Variants in TIPIN observed in about 807,000 individuals in gnomAD.
The protein encoded by TIPIN is TIMELESS interacting protein, also known as TIMELESS-interacting protein.
In TIPIN, 29 loss-of-function variants were observed where a neutral mutation model predicts 35.6. The observed-to-expected ratio is 0.82, with a 90% CI of 0.61 to 1.11. The LOEUF is 1.11. Ranked by LOEUF, TIPIN falls within the 50% of genes most tolerant of loss-of-function variation. TIPIN has a pLI of 0.00. For synonymous variants in TIPIN, 102 were observed against 121.5 expected, an observed-to-expected ratio of 0.84 and a Z score of 1.06; for missense variants, 296 against 345.4, an observed-to-expected ratio of 0.86 and a Z score of 1.13.
chr15:66,380,338 T>G (rs1009081340), intron 1 of TIPIN, among the ~76,000 whole-genome samples: 2 of 151,788 alleles, frequency 1.3e-5, no homozygotes, highest in African/African-American at 2.4e-5. Context: ...AATGGCCAGG[T>G]AGTTGTCCCT....
rs1011156499 is a variant in TIPIN, at chr15:66,336,535, C to A, written c.*423G>T. On this transcript the variant is annotated 3_prime_UTR_variant, in exon 8 of 8. Transcript: ENST00000261881. ...TGCCACTGCACTCCAGCCTGGCCAA[C>A]AGAGTGAGACTCTGTGTCAAAAAAA... The A allele has an allele frequency of 5.8e-6, 1 of 173,142 alleles. No homozygotes were observed. The highest frequency in any genetic ancestry group is 5.6e-5 in the Admixed American group (1 of 17,952). 10.7% of individuals were successfully genotyped at this position (173,142 alleles called of 1,614,324 possible). A position where few individuals can be genotyped will look rare whatever the true frequency, so the allele number is the denominator to read the frequency against.
chr15:66,381,664 T>C (rs1030815309), intron 1 of TIPIN, among the ~76,000 whole-genome samples: 1 of 152,230 alleles, frequency 6.6e-6, no homozygotes, highest in Admixed American at 6.5e-5. Flanking sequence ...TTCTTCTGTA[T>C]AGCTTTCATA....
intron 6 of TIPIN, among the ~76,000 whole-genome samples, chr15:66,344,028 T>G (rs564102123): frequency 1.4e-4 from 22 of 151,938 alleles, no homozygotes; most frequent in African/African-American, 5.1e-4. Flanking sequence ...AAACATGGGG[T>G]TTTTAATGTG....
At chr15:66,348,946 A>G in intron 6 of TIPIN, 114 bp downstream of exon 6, 2 of 794,170 alleles carry the variant, frequency 2.5e-6, no homozygotes, top group Non-Finnish European at 4.1e-6. Flanking sequence ...TTCTGTCCCT[A>G]AACATGAAAC....
chr15:66,338,641 T>C (rs1178707273), intron 7 of TIPIN, among the ~76,000 whole-genome samples: 2 of 150,838 alleles, frequency 1.3e-5, no homozygotes, highest in East Asian at 3.9e-4. Context: ...GGTGAAACCC[T>C]GTCTCTACTA....
At chr15:66,357,583 G>A (rs1315050643), upstream of TIPIN, among the ~76,000 whole-genome samples, 1 of 113,514 alleles carries the variant, frequency 8.8e-6, no homozygotes, top group African/African-American at 3.7e-5. Context: ...GGGTGACAGT[G>A]AGATCTTGTC....
At chr15:66,374,844 A>C (rs1041394617) in intron 1 of TIPIN, among the ~76,000 whole-genome samples, 3 of 151,942 alleles carry the variant, frequency 2.0e-5, no homozygotes, top group Non-Finnish European at 4.4e-5. Flanking sequence ...GTCCTCCCAA[A>C]GTGCTGGGAT....
chr15:66,373,218 G>A (rs927529286), intron 1 of TIPIN, among the ~76,000 whole-genome samples: 7 of 152,176 alleles, frequency 4.6e-5, no homozygotes, highest in Admixed American at 6.5e-5. Flanking sequence ...TCATGGCCGG[G>A]CGCAGTGGCT....
rs561414012 is a variant in TIPIN, at chr15:66,375,677, A to G, written c.-9+10930T>C. ...AAAATGGTGAAACCCCGTCTCTACT[A>G]GTACCAAAGGCTGCAAAATGAAAAG... is the stretch of plus-strand genomic sequence containing the variant. On this transcript the variant is annotated intron_variant, in intron 1 of 7. Transcript: ENST00000562124. Among the ~76,000 whole-genome samples the G allele has an allele frequency of 2.9e-3, 444 of 150,958 alleles. 1 individual carries two copies. The highest frequency in any genetic ancestry group is 0.01 in the African/African-American group (415 of 41,428).
chr15:66,344,452 A>T (rs1046042724), intron 6 of TIPIN, among the ~76,000 whole-genome samples: 1 of 152,108 alleles, frequency 6.6e-6, no homozygotes, highest in African/African-American at 2.4e-5. Context: ...GCAAAAAACT[A>T]CTTTTTATGA....
intron 1 of TIPIN, among the ~76,000 whole-genome samples, chr15:66,374,774 G>T (rs147426631): frequency 0.011 from 1,665 of 152,110 alleles, 18 homozygotes; most frequent in South Asian, 0.051. Flanking sequence ...TAGAGACGGG[G>T]TTTCACCATA....
At chr15:66,340,835 G>A (rs577495588) in intron 7 of TIPIN, among the ~76,000 whole-genome samples, 4 of 151,938 alleles carry the variant, frequency 2.6e-5, no homozygotes, top group East Asian at 2.0e-4. Context: ...GACCTCAAGC[G>A]ATCCACCTAC....
At chr15:66,340,370 G>T (rs2093077639) in intron 7 of TIPIN, among the ~76,000 whole-genome samples, 1 of 149,394 alleles carries the variant, frequency 6.7e-6, no homozygotes, top group Non-Finnish European at 1.5e-5. Context: ...TAGAGGTGGG[G>T]TTTCACCATG....
At chr15:66,367,030 A>C in intron 1 of TIPIN, 1 of 259,710 alleles carries the variant, frequency 3.9e-6, no homozygotes, top group Non-Finnish European at 6.0e-6. Context: ...AAAATACAAA[A>C]TTAGACATAC....
intron 1 of TIPIN, among the ~76,000 whole-genome samples, chr15:66,367,187 AATCTATATCTAT>A (rs60845317): frequency 0.078 from 10,242 of 130,884 alleles, 1,191 homozygotes; most frequent in African/African-American, 0.25. Context: ...CTCAAAAAAA[AATCTATATCTAT>A]ATCTATATCT....
At chr15:66,362,767 C>T (rs920310558) in intron 1 of TIPIN, among the ~76,000 whole-genome samples, 1 of 152,152 alleles carries the variant, frequency 6.6e-6, no homozygotes, top group African/African-American at 2.4e-5. Context: ...AATGGAGTCT[C>T]TTAAAACCAA....
chr15:66,380,139 C>T (rs1418164978), intron 1 of TIPIN, among the ~76,000 whole-genome samples: 2 of 151,726 alleles, frequency 1.3e-5, no homozygotes, highest in Non-Finnish European at 2.9e-5. Context: ...GTAGCTGGGA[C>T]TACAGGCGCC....
At chr15:66,362,551 T>C (rs2093236218) in intron 1 of TIPIN, among the ~76,000 whole-genome samples, 1 of 151,610 alleles carries the variant, frequency 6.6e-6, no homozygotes, top group Non-Finnish European at 1.5e-5. Context: ...GGAAACCCCA[T>C]CTCGACTAAA....
chr15:66,379,280 A>G, intron 1 of TIPIN: 1 of 1,520,614 alleles, frequency 6.6e-7, no homozygotes, highest in Non-Finnish European at 8.8e-7. Context: ...AAATATCACA[A>G]GTAGGTCTTA....
Sources: gnomAD v4.1 joint callset for allele counts (sites outside exome capture counted in the v4.1 genomes callset) on GRCh38, gnomAD v4.1.1 for gene constraint, MANE v1.5 for transcripts, NCBI Gene and HGNC (gene_info 2026-07-23, HGNC 2026-07-21) for gene names.